Variants in MNX1 observed in about 807,000 individuals in gnomAD.
The protein encoded by MNX1 is motor neuron and pancreas homeobox 1.
Under a neutral mutation model 17.3 loss-of-function variants are expected in MNX1, and 2 were observed. That is an observed-to-expected ratio of 0.12 (90% confidence interval 0.05 to 0.36). The LOEUF is 0.36. Among genes scored for constraint, MNX1 ranks in the 10% least tolerant of loss-of-function variants. The pLI, the probability that MNX1 is intolerant of heterozygous loss-of-function variation, is 1.00. For synonymous variants in MNX1, 306 were observed against 283.1 expected, an observed-to-expected ratio of 1.08 and a Z score of -0.81; for missense variants, 556 against 564.7, an observed-to-expected ratio of 0.98 and a Z score of 0.16.
intron 1 of MNX1, chr7:157,008,090 T>C (rs910911441): frequency 9.2e-5 from 14 of 152,336 alleles, no homozygotes; most frequent in African/African-American, 2.4e-4. Flanking sequence ...TGTTTAAAAT[T>C]TGGCCAACTC....
In MNX1 at chr7:157,005,344, C is replaced by T. The variant is rs988617689; in HGVS notation, c.*176G>A. The T allele has an allele frequency of 1.7e-5, 3 of 179,864 alleles. No homozygotes were observed. Among genetic ancestry groups the T allele is most frequent in the Non-Finnish European group, 1.6e-5 (2 of 123,546 alleles). 11.1% of individuals were successfully genotyped at this position (179,864 alleles called of 1,614,324 possible). On this transcript the variant is annotated 3_prime_UTR_variant, in exon 3 of 3. Transcript: ENST00000252971. ...GCGCCCTTGCTTAAAAGGGAAGCGC[C>T]CAGGACCGGAGCCGCGGCCGAATCC...
At chr7:157,005,972 G>T (rs572395709) in intron 2 of MNX1, 99 bp from the exon 3 acceptor site, 17 of 1,423,382 alleles carry the variant, frequency 1.2e-5, no homozygotes, top group African/African-American at 2.8e-5. Context: ...CCATTGGGTC[G>T]GCCCTGGAAT....
Position 157,006,332 on chromosome 7 carries a change from T to G in MNX1, c.852+147A>C. On this transcript the variant is annotated intron_variant, in intron 2 of 2. Transcript: ENST00000252971. This position sits in a 1 kb window ranked among gnomAD's most constrained non-coding sequence, Gnocchi z 6.3. ...ACCCGAAGCTACTGAATCGGCGCTC[T>G]GGGCACCTTAGATGAACCCGTGCGC... 1 of 855,590 alleles carries G rather than the reference T, an allele frequency of 1.2e-6. No individual in the cohort carries two copies. The highest frequency in any genetic ancestry group is 2.7e-5 in the East Asian group (1 of 37,220). The allele number at this position is 855,590 out of a possible 1,614,324, so 53.0% of individuals were successfully genotyped here.
chr7:157,006,901 A>C lies in MNX1; in HGVS notation c.692-262T>G. ...GGAGACGTCTGAGTGTCCCTGTTAA[A>C]CAGGGCCCATCGCAGGAGGCTTCCT... On this transcript the variant is annotated intron_variant, in intron 1 of 2. Coordinates refer to ENST00000252971, the MANE Select transcript of MNX1 (RefSeq NM_005515.4). The surrounding 1 kb of genome is among the most constrained non-coding windows in gnomAD (Gnocchi z 6.3). 1 of 306,330 alleles carries C rather than the reference A, an allele frequency of 3.3e-6. No individual in the cohort carries two copies. The highest frequency in any genetic ancestry group is 5.8e-6 in the Non-Finnish European group (1 of 173,428). 19.0% of individuals were successfully genotyped at this position (306,330 alleles called of 1,614,324 possible). A position where few individuals can be genotyped will look rare whatever the true frequency, so the allele number is the denominator to read the frequency against.
rs748668638 is a variant in MNX1, at chr7:157,005,602, C to G, written c.1124G>C (p.Ser375Thr). ...EDHFPYSNGA[S>T]VHAASSDCSS... is the part of the protein sequence containing the mutation. ...GCAGTCGGAGGAGGCGGCGTGGACG[C>G]TGGCGCCGTTGCTGTAGGGGAAATG... The change falls in exon 3 of 3, where the codon AGC (serine) becomes ACC (threonine). Residue 375 changes from serine to threonine, a missense_variant. Around this residue, in one of 7 missense-constraint regions of MNX1, gnomAD observed 178 missense variants for 155.2 expected, o/e 1.15. Transcript: ENST00000252971. The G allele has an allele frequency of 8.1e-6, 13 of 1,603,698 alleles. No individual in the cohort carries two copies. The highest frequency in any genetic ancestry group is 3.4e-5 in the Admixed American group (2 of 59,326).
At position 157,005,911 on chromosome 7, in the gene MNX1, C is replaced by T. The variant is rs1805588135; in HGVS notation, c.853-38G>A. On this transcript the variant is annotated intron_variant, in intron 2 of 2. Coordinates refer to ENST00000252971, the MANE Select transcript of MNX1 (RefSeq NM_005515.4). ...GCGGGCGTGAGAAACCGGCCACCGC[C>T]ACCCCAGGGCTTCCTGTCCCCGGAG... is the stretch of plus-strand genomic sequence containing the variant. 4.4e-6 allele frequency: 7 copies of T among 1,605,814 alleles called. No homozygotes were observed. In the East Asian group the frequency reaches 1.1e-4, roughly 26 times the overall value.
chr7:157,005,502 T>C lies in MNX1; in HGVS notation c.*18A>G. On this transcript the variant is annotated 3_prime_UTR_variant, in exon 3 of 3. Coordinates refer to ENST00000252971, the MANE Select transcript of MNX1 (RefSeq NM_005515.4). Reference sequence around the variant, plus strand: ...CGGGGCGCTCCGTGCGCGCCGCACCTGCTGGGCCGCGGGGCTCCTACTGGG... The same window carrying C: ...CGGGGCGCTCCGTGCGCGCCGCACCCGCTGGGCCGCGGGGCTCCTACTGGG... The C allele has an allele frequency of 7.1e-7, 1 of 1,412,208 alleles. No homozygotes were observed. Among genetic ancestry groups the C allele is most frequent in the Non-Finnish European group, 9.2e-7 (1 of 1,090,906 alleles). 87.5% of individuals were successfully genotyped at this position (1,412,208 alleles called of 1,614,324 possible).
Position 157,009,669 on chromosome 7 carries a change from C to A in MNX1, c.682G>T (p.Asp228Tyr). ...TAGMILPKMP[D>Y]FNSQAQSNLL... ...GCCGCAGGGTACTCACAGTTGAAGT[C>A]GGGCATCTTAGGCAGGATCATGCCC... The change falls in exon 1 of 3, where the codon GAC (aspartate) becomes TAC (tyrosine). Residue 228 changes from aspartate (D) to tyrosine (Y), a missense_variant. Physicochemically the swap from Asp to Tyr is radical, Grantham distance 160. Around this residue, in one of 7 missense-constraint regions of MNX1, gnomAD observed 210 missense variants for 211.3 expected, o/e 0.99. Transcript: ENST00000252971. 2 of 1,609,220 alleles carry A rather than the reference C, an allele frequency of 1.2e-6. No individual in the cohort carries two copies. Among genetic ancestry groups the A allele is most frequent in the East Asian group, 2.2e-5 (1 of 44,800 alleles).
rs955631394 is a variant in MNX1 at position 157,010,493 on chromosome 7, G to A, written c.-143C>T. On this transcript the variant is annotated 5_prime_UTR_variant, in exon 1 of 3. Coordinates refer to ENST00000252971, the MANE Select transcript of MNX1 (RefSeq NM_005515.4). ...TTGCCAATAATCAAAGTCGCCGCCG[G>A]AAACTCAGCCGAGGGTGACCATGGT... The A allele has an allele frequency of 1.8e-6, 1 of 541,164 alleles. No homozygotes were observed. The highest frequency in any genetic ancestry group is 3.6e-5 in the East Asian group (1 of 27,658). 33.5% of individuals were successfully genotyped at this position (541,164 alleles called of 1,614,324 possible).
rs1266795403 is a variant in MNX1 at position 157,005,047 on chromosome 7, A to G, written c.*473T>C. The G allele has an allele frequency of 4.4e-6, 1 of 224,882 alleles. No homozygotes were observed. Among genetic ancestry groups the G allele is most frequent in the African/African-American group, 2.2e-5 (1 of 44,788 alleles). The allele number at this position is 224,882 out of a possible 1,614,324, so 13.9% of individuals were successfully genotyped here. On this transcript the variant is annotated 3_prime_UTR_variant, in exon 3 of 3. Transcript: ENST00000252971. ...TCCCCCCGACCCCAGAGACGTAAGC[A>G]TAAACCCTTTTTTCTTTTTCCAAAT...
In MNX1 at chr7:157,009,689, A is replaced by C; in HGVS notation, c.662T>G (p.Met221Arg). 1 of 1,608,836 alleles carries C rather than the reference A, an allele frequency of 6.2e-7. No homozygotes were observed. Among genetic ancestry groups the C allele is most frequent in the Non-Finnish European group, 8.5e-7 (1 of 1,179,002 alleles). The part of the protein sequence containing the change: ...DQWLRASTAG[M>R]ILPKMPDFNS... ...GAAGTCGGGCATCTTAGGCAGGATC[A>C]TGCCCGCGGTGGACGCGCGCAGCCA... The change falls in exon 1 of 3, where the codon ATG becomes AGG. Residue 221 changes from methionine (M) to arginine (R), a missense_variant. Met to Arg is a moderately conservative substitution (Grantham distance 91). Transcript: ENST00000252971.
rs1371183049 is a variant in MNX1, at chr7:157,010,142, G to C, written c.209C>G (p.Ala70Gly). The change falls in exon 1 of 3, where the codon GCC becomes GGC. Residue 70 changes from alanine (A) to glycine (G), a missense_variant. Physicochemically the swap from Ala to Gly is moderately conservative, Grantham distance 60. Around this residue, in one of 7 missense-constraint regions of MNX1, gnomAD observed 115 missense variants for 103.5 expected, o/e 1.11. Coordinates refer to ENST00000252971, the MANE Select transcript of MNX1 (RefSeq NM_005515.4). ...CGGGCTCTCGGCGCGCAGGCGGTCG[G>C]CGGGCGCAGCCGGCGGCTCCGAGGA... ...PASSEPPAAPADRLRAESPSP... is the reference protein window; with the variant it reads ...PASSEPPAAPGDRLRAESPSP... The C allele has an allele frequency of 9.5e-6, 10 of 1,056,514 alleles. No individual in the cohort carries two copies. The highest frequency in any genetic ancestry group is 1.1e-5 in the Non-Finnish European group (10 of 877,794). The allele number at this position is 1,056,514 out of a possible 1,614,324, so 65.4% of individuals were successfully genotyped here. A position where few individuals can be genotyped will look rare whatever the true frequency, so the allele number is the denominator to read the frequency against.
chr7:157,004,886 TC>T lies in MNX1; in HGVS notation c.*633del, dbSNP rs1805560082. 5.4e-6 allele frequency: 1 copy of T among 186,468 alleles called. No individual in the cohort carries two copies. The highest frequency in any genetic ancestry group is 8.7e-5 in the East Asian group (1 of 11,548). The allele number at this position is 186,468 out of a possible 1,614,324, so 11.6% of individuals were successfully genotyped here. On this transcript the variant is annotated 3_prime_UTR_variant, in exon 3 of 3. Transcript: ENST00000252971. This position sits in a 1 kb window ranked among gnomAD's most constrained non-coding sequence, Gnocchi z 6.2. ...CAAAACCAATTTATTTTACATTCCA[TC>T]GTGGGCGATGGGAGAAGCTAAATAA...
rs1430344498 is a variant in MNX1 at position 157,006,794 on chromosome 7, A to G, written c.692-155T>C. On this transcript the variant is annotated intron_variant, in intron 1 of 2. Coordinates refer to ENST00000252971, the MANE Select transcript of MNX1 (RefSeq NM_005515.4). The surrounding 1 kb of genome is among the most constrained non-coding windows in gnomAD (Gnocchi z 6.3). ...CCCTCACTATCAGTGCCCACTCCCCAAGGAATGCGGACTCAGGACCACCAA... is the reference window on the plus strand; with the variant it reads ...CCCTCACTATCAGTGCCCACTCCCCGAGGAATGCGGACTCAGGACCACCAA... 7.0e-6 allele frequency: 5 copies of G among 715,862 alleles called. No homozygotes were observed. In the Admixed American group the frequency reaches 9.0e-5, roughly 13 times the overall value. The allele number at this position is 715,862 out of a possible 1,614,324, so 44.3% of individuals were successfully genotyped here.
At position 157,010,396 on chromosome 7, in the gene MNX1, G is replaced by C. The variant is rs747086373; in HGVS notation, c.-46C>G. The C allele has an allele frequency of 1.1e-5, 17 of 1,503,772 alleles. No homozygotes were observed. In the South Asian group the frequency reaches 2.0e-4, roughly 18 times the overall value. The allele number at this position is 1,503,772 out of a possible 1,614,324, so 93.2% of individuals were successfully genotyped here. A position where few individuals can be genotyped will look rare whatever the true frequency, so the allele number is the denominator to read the frequency against. Reference sequence around the variant, plus strand: ...CTCAGGGCCCGGTGGCGGGCGACGCGGCCGTGTGCGGGCTCGCGGAGTCAG... The same window carrying C: ...CTCAGGGCCCGGTGGCGGGCGACGCCGCCGTGTGCGGGCTCGCGGAGTCAG... On this transcript the variant is annotated 5_prime_UTR_variant, in exon 1 of 3. Coordinates refer to ENST00000252971, the MANE Select transcript of MNX1 (RefSeq NM_005515.4).
Position 157,005,275 on chromosome 7 carries a change from G to A in MNX1, c.*245C>T. ...TAAAAGAACCAGAGTTCAAGTTTCAGCCCCCTGGGTCTCCCTCTCGCTGTT... is the reference window on the plus strand; with the variant it reads ...TAAAAGAACCAGAGTTCAAGTTTCAACCCCCTGGGTCTCCCTCTCGCTGTT... On this transcript the variant is annotated 3_prime_UTR_variant, in exon 3 of 3. Transcript: ENST00000252971. The A allele has an allele frequency of 3.7e-6, 1 of 272,956 alleles. No homozygotes were observed. Among genetic ancestry groups the A allele is most frequent in the Non-Finnish European group, 6.9e-6 (1 of 145,560 alleles). The allele number at this position is 272,956 out of a possible 1,614,324, so 16.9% of individuals were successfully genotyped here. A position where few individuals can be genotyped will look rare whatever the true frequency, so the allele number is the denominator to read the frequency against.
At position 157,006,853 on chromosome 7, in the gene MNX1, A is replaced by ATTTTTTTTTTTTTTTTTTTTTTTTTTTTT. The variant is rs373662349; in HGVS notation, c.692-215_692-214insAAAAAAAAAAAAAAAAAAAAAAAAAAAAA. ...GGATAGTTTGGAGTTAATGAGACCA[A>ATTTTTTTTTTTTTTTTTTTTTTTTTTTTT]TTTTTTTTTTTTTTTTTGTCTAGGA... is the stretch of plus-strand genomic sequence containing the variant. On this transcript the variant is annotated intron_variant, in intron 1 of 2. Coordinates refer to ENST00000252971, the MANE Select transcript of MNX1 (RefSeq NM_005515.4). The surrounding 1 kb of genome is among the most constrained non-coding windows in gnomAD (Gnocchi z 6.3). The ATTTTTTTTTTTTTTTTTTTTTTTTTTTTT allele has an allele frequency of 1.2e-5, 3 of 260,074 alleles. 1 individual carries two copies. The highest frequency in any genetic ancestry group is 7.6e-5 in the African/African-American group (2 of 26,482). 16.1% of individuals were successfully genotyped at this position (260,074 alleles called of 1,614,324 possible). A position where few individuals can be genotyped will look rare whatever the true frequency, so the allele number is the denominator to read the frequency against.
chr7:157,009,772 G>C lies in MNX1; in HGVS notation c.579C>G (p.His193Gln), dbSNP rs762054369. 2.2e-5 allele frequency: 35 copies of C among 1,597,840 alleles called. No individual in the cohort carries two copies. The highest frequency in any genetic ancestry group is 2.7e-5 in the Non-Finnish European group (32 of 1,175,790). The change falls in exon 1 of 3, where the codon CAC (histidine) becomes CAG (glutamine). Residue 193 changes from histidine (H) to glutamine (Q), a missense_variant. By Grantham distance (24) the His-to-Gln change is conservative (BLOSUM62 0). This residue lies in a region of MNX1 where 210 missense variants were observed against 211.3 expected (regional missense o/e 0.99). Transcript: ENST00000252971. ...SYSYPQVQGA[H>Q]PAHPADPIKL... Reference sequence around the variant, plus strand: ...TGATGGGGTCGGCGGGGTGCGCGGGGTGCGCGCCTTGCACCTGCGGGTACG... The same window carrying C: ...TGATGGGGTCGGCGGGGTGCGCGGGCTGCGCGCCTTGCACCTGCGGGTACG...
At position 157,010,033 on chromosome 7, in the gene MNX1, C is replaced by G. The variant is rs1319001113; in HGVS notation, c.318G>C (p.Thr106=). The G allele has an allele frequency of 6.1e-6, 6 of 984,102 alleles. No homozygotes were observed. Among genetic ancestry groups the G allele is most frequent in the Non-Finnish European group, 7.2e-6 (6 of 837,198 alleles). 61.0% of individuals were successfully genotyped at this position (984,102 alleles called of 1,614,324 possible). ...FLGAGGGGGG[T]GGGHGGPHHH... is the part of the protein sequence containing the mutation. Reference sequence around the variant, plus strand: ...GGTGGGGCCCCCCGTGCCCGCCGCCCGTGCCGCCGCCGCCGCCGCCCGCGC... The same window carrying G: ...GGTGGGGCCCCCCGTGCCCGCCGCCGGTGCCGCCGCCGCCGCCGCCCGCGC... Residue 106 remains threonine, a synonymous_variant, in exon 1 of 3, where the codon ACG becomes ACC. Coordinates refer to ENST00000252971, the MANE Select transcript of MNX1 (RefSeq NM_005515.4).
Sources: gnomAD v4.1 joint callset for allele counts on GRCh38, gnomAD v4.1.1 for gene constraint, gnomAD v4.1.1 regional missense constraint, Gnocchi (gnomAD v3.1) non-coding constraint, MANE v1.5 for transcripts, NCBI Gene and HGNC (gene_info 2026-07-23, HGNC 2026-07-21) for gene names.